Variants in NPAS3 observed in about 807,000 individuals in gnomAD.
NPAS3 encodes neuronal PAS domain protein 3, also known as neuronal PAS domain-containing protein 3.
NPAS3 carries 14 observed loss-of-function variants against 73.1 expected under a neutral mutation model. The ratio of observed to expected loss-of-function variants is 0.19; its 90% CI spans 0.13 to 0.30. The LOEUF is 0.30. NPAS3 is among the 10% of genes least tolerant of loss of function. NPAS3 has a pLI of 1.00. For synonymous variants in NPAS3, 620 were observed against 541.5 expected (o/e 1.14, Z -2.01); for missense variants, 1,096 against 1,250.0 (o/e 0.88, Z 1.86).
At chr14:33,140,796 T>C (rs1488556963) in intron 2 of NPAS3, among the ~76,000 whole-genome samples, 1 of 151,846 alleles carries the variant, frequency 6.6e-6, no homozygotes, top group Non-Finnish European at 1.5e-5. Flanking sequence ...AGATGAGAAG[T>C]GTTATGGGAG....
intron 2 of NPAS3, among the ~76,000 whole-genome samples, chr14:33,097,379 T>C (rs1266008547): frequency 2.6e-5 from 4 of 152,260 alleles, no homozygotes; most frequent in Non-Finnish European, 5.9e-5. Context: ...TATATCATTG[T>C]TGTTTGTTCA....
At chr14:33,366,720 C>T (rs973970581) in intron 3 of NPAS3, among the ~76,000 whole-genome samples, 5 of 152,042 alleles carry the variant, frequency 3.3e-5, no homozygotes, top group Non-Finnish European at 7.4e-5. Flanking sequence ...GAAGTTATTG[C>T]ATTAGAAAAT....
chr14:33,677,621 A>G (rs1338493922), intron 6 of NPAS3, among the ~76,000 whole-genome samples: 1 of 40,486 alleles, frequency 2.5e-5, no homozygotes, highest in Admixed American at 2.2e-4. Context: ...ACAGAAGGAA[A>G]AAAAAAAAAC....
At chr14:33,237,839 C>T (rs2048087769) in intron 3 of NPAS3, among the ~76,000 whole-genome samples, 1 of 151,564 alleles carries the variant, frequency 6.6e-6, no homozygotes, top group Admixed American at 6.6e-5. Context: ...TATTTGAATG[C>T]AGTATATAAA....
chr14:33,513,318 T>C (rs1226973516), intron 4 of NPAS3, among the ~76,000 whole-genome samples: 1 of 152,070 alleles, frequency 6.6e-6, no homozygotes, highest in Non-Finnish European at 1.5e-5. Context: ...TTATCTGTAG[T>C]ACTCTTCTTG....
intron 3 of NPAS3, among the ~76,000 whole-genome samples, chr14:33,305,367 C>T (rs2042713621): frequency 6.6e-6 from 1 of 151,894 alleles, no homozygotes; most frequent in Admixed American, 6.6e-5. Context: ...AATGAAACAC[C>T]ACTATGGAAA....
At chr14:33,579,775 T>C (rs1314332788) in intron 5 of NPAS3, among the ~76,000 whole-genome samples, 1 of 151,958 alleles carries the variant, frequency 6.6e-6, no homozygotes, top group Non-Finnish European at 1.5e-5. Flanking sequence ...AATATTTTCC[T>C]TGAATTTTTT....
At chr14:33,732,222 C>A (rs151032801) in intron 6 of NPAS3, among the ~76,000 whole-genome samples, 17 of 152,292 alleles carry the variant, frequency 1.1e-4, no homozygotes, top group Admixed American at 3.3e-4. Context: ...CACACATGCA[C>A]GCATGTGCAC....
At chr14:33,027,949 C>G (rs2039863859) in intron 1 of NPAS3, among the ~76,000 whole-genome samples, 1 of 152,120 alleles carries the variant, frequency 6.6e-6, no homozygotes, top group Non-Finnish European at 1.5e-5. Flanking sequence ...TACAGTCAAA[C>G]TTAAAATAGA....
intron 5 of NPAS3, among the ~76,000 whole-genome samples, chr14:33,561,410 G>T (rs1295560716): frequency 1.3e-5 from 2 of 152,202 alleles, no homozygotes; most frequent in Admixed American, 6.5e-5. Context: ...CCAAACAAGG[G>T]TCTGGTCTGT....
intron 2 of NPAS3, among the ~76,000 whole-genome samples, chr14:33,155,709 G>A (rs958470059): frequency 2.0e-5 from 3 of 152,168 alleles, no homozygotes; most frequent in African/African-American, 7.2e-5. Context: ...ATCCTAGGTA[G>A]GGAGTGTGGT....
At chr14:33,314,619 A>G (rs537007762) in intron 3 of NPAS3, among the ~76,000 whole-genome samples, 2 of 152,228 alleles carry the variant, frequency 1.3e-5, no homozygotes, top group Non-Finnish European at 2.9e-5. Flanking sequence ...ATCTAAATAT[A>G]GAATATTATC....
At chr14:32,991,145 AT>A (rs35615509) in intron 1 of NPAS3, among the ~76,000 whole-genome samples, 7,362 of 147,756 alleles carry the variant, frequency 0.05, 403 homozygotes, top group African/African-American at 0.13. Context: ...TAATTTTTTA[AT>A]TTTTTTTTTT....
intron 5 of NPAS3, among the ~76,000 whole-genome samples, chr14:33,635,331 C>A (rs984937852): frequency 6.6e-6 from 1 of 151,848 alleles, no homozygotes; most frequent in Non-Finnish European, 1.5e-5. Flanking sequence ...AGAGAGTTGT[C>A]GATGGAATTG....
chr14:33,669,674 A>G (rs1370354293), intron 5 of NPAS3, among the ~76,000 whole-genome samples: 1 of 152,200 alleles, frequency 6.6e-6, no homozygotes, highest in Non-Finnish European at 1.5e-5. Context: ...TTCTAGAAGT[A>G]TTTAAACATG....
intron 3 of NPAS3, among the ~76,000 whole-genome samples, chr14:33,322,503 C>A (rs1252052047): frequency 6.9e-6 from 1 of 144,552 alleles, no homozygotes; most frequent in Non-Finnish European, 1.5e-5. Context: ...CATACATACA[C>A]ATTTGTGTGT....
intron 2 of NPAS3, among the ~76,000 whole-genome samples, chr14:33,116,454 C>T (rs1178353891): frequency 2.0e-5 from 3 of 152,022 alleles, no homozygotes; most frequent in African/African-American, 7.3e-5. Context: ...ATATATTTAA[C>T]CTCCTTCCAA....
intron 2 of NPAS3, among the ~76,000 whole-genome samples, chr14:33,170,046 G>A (rs2045329795): frequency 6.6e-6 from 1 of 152,150 alleles, no homozygotes; most frequent in African/African-American, 2.4e-5. Context: ...TCTTTGCTGG[G>A]CAGAGGGGGT....
chr14:33,207,028 C>G (rs548561314), intron 2 of NPAS3, among the ~76,000 whole-genome samples: 2 of 152,122 alleles, frequency 1.3e-5, no homozygotes, highest in Non-Finnish European at 2.9e-5. Flanking sequence ...TATCCCATGT[C>G]GGGCAAAGAC....
Sources: gnomAD v4.1 joint callset for allele counts (sites outside exome capture counted in the v4.1 genomes callset) on GRCh38, gnomAD v4.1.1 for gene constraint, MANE v1.5 for transcripts, NCBI Gene and HGNC (gene_info 2026-07-23, HGNC 2026-07-21) for gene names.